Variants in MAGI2 observed in about 807,000 individuals in gnomAD.
The protein encoded by MAGI2 is membrane-associated guanylate kinase, WW and PDZ domain-containing protein 2.
In MAGI2, 35 loss-of-function variants were observed where a neutral mutation model predicts 133.3. The observed-to-expected ratio is 0.26, with a 90% CI of 0.20 to 0.35. The LOEUF (loss-of-function observed/expected upper bound fraction) is 0.35, where lower values mean the gene tolerates loss of function less well. Ranked by LOEUF, MAGI2 falls within the 10% of genes least tolerant of loss-of-function variation. The pLI, the probability that MAGI2 is intolerant of heterozygous loss-of-function variation, is 1.00. For missense variants in MAGI2, 1,636 were observed against 1,863.4 expected (o/e 0.88, Z 2.25); for synonymous variants, 729 against 710.6 (o/e 1.03, Z -0.41).
chr7:79,125,459 T>C (rs1027379483), intron 1 of MAGI2: 1 of 503,882 alleles, frequency 2.0e-6, no homozygotes, highest in South Asian at 1.5e-5. Context: ...GGTAGTTATG[T>C]TGGAGGCAGT....
intron 3 of MAGI2, among the ~76,000 whole-genome samples, chr7:78,579,572 C>G (rs1347182364): frequency 3.9e-5 from 6 of 152,200 alleles, no homozygotes; most frequent in Non-Finnish European, 8.8e-5. Context: ...TCTGCGTTAA[C>G]AAGCTTCACT....
At chr7:78,354,323 C>G (rs1791840830) in intron 7 of MAGI2, among the ~76,000 whole-genome samples, 1 of 152,120 alleles carries the variant, frequency 6.6e-6, no homozygotes, top group Non-Finnish European at 1.5e-5. Flanking sequence ...TAATTGAACT[C>G]CAAAAATACA....
chr7:78,734,309 T>C (rs1821641605), intron 2 of MAGI2, among the ~76,000 whole-genome samples: 1 of 152,154 alleles, frequency 6.6e-6, no homozygotes, highest in African/African-American at 2.4e-5. Flanking sequence ...AGAATATAAA[T>C]GCAGCCATTC....
intron 9 of MAGI2, among the ~76,000 whole-genome samples, chr7:78,337,185 A>C (rs1292883151): frequency 2.6e-5 from 4 of 152,228 alleles, no homozygotes; most frequent in African/African-American, 9.6e-5. Context: ...CAGGGTCTCT[A>C]GTGTTTACAA....
rs1554346526 is a variant in MAGI2 at position 78,328,502 on chromosome 7, A to AACACACACACACACACACACACACAC, written c.1408+15250_1408+15275dup. ...CAGCTCTTGTTGCTCCCAGCTCTAA[A>AACACACACACACACACACACACACAC]ACACACACACACACACACACACACA... On this transcript the variant is annotated intron_variant, in intron 9 of 21. Transcript: ENST00000354212. Among the ~76,000 whole-genome samples, 251 of 105,140 alleles carry AACACACACACACACACACACACACAC rather than the reference A, an allele frequency of 2.4e-3. 2 individuals are homozygous for AACACACACACACACACACACACACAC. The highest frequency in any genetic ancestry group is 6.8e-3 in the South Asian group (21 of 3,070). 69.0% of individuals were successfully genotyped at this position (105,140 alleles called of 152,430 possible). A position where few individuals can be genotyped will look rare whatever the true frequency, so the allele number is the denominator to read the frequency against.
chr7:78,646,825 C>T (rs1041022904), intron 2 of MAGI2, among the ~76,000 whole-genome samples: 1 of 152,180 alleles, frequency 6.6e-6, no homozygotes, highest in African/African-American at 2.4e-5. Context: ...CACTTCATCT[C>T]TCTCTACATT....
intron 1 of MAGI2, among the ~76,000 whole-genome samples, chr7:79,417,985 T>C (rs1212483034): frequency 3.3e-5 from 5 of 151,998 alleles, no homozygotes; most frequent in Admixed American, 2.0e-4. Flanking sequence ...TCCAATCAAT[T>C]TACCTCACAT....
chr7:79,231,936 T>C lies in MAGI2; in HGVS notation c.301+221084A>G, dbSNP rs537245175. 2.0e-5 allele frequency among the ~76,000 whole-genome samples: 3 copies of C among 152,324 alleles called. No homozygotes were observed. In the East Asian group the frequency reaches 5.8e-4, roughly 29 times the overall value. On this transcript the variant is annotated intron_variant, in intron 1 of 21. Transcript: ENST00000354212. ...TATGATGCTGGCTGTGGGTTTGTCA[T>C]AGACAGCTCTTATTATTTTGAGATA...
At chr7:78,433,755 G>A (rs1348928913) in intron 6 of MAGI2, among the ~76,000 whole-genome samples, 6 of 152,136 alleles carry the variant, frequency 3.9e-5, no homozygotes, top group Admixed American at 1.3e-4. Flanking sequence ...TATTATTTAA[G>A]GGGAGAGAAA....
chr7:78,778,638 G>A (rs1270513416), intron 2 of MAGI2, among the ~76,000 whole-genome samples: 1 of 152,066 alleles, frequency 6.6e-6, no homozygotes, highest in Non-Finnish European at 1.5e-5. Flanking sequence ...GAGCATGGAA[G>A]CTATATACTC....
chr7:79,144,423 C>A (rs1354384909), intron 1 of MAGI2, among the ~76,000 whole-genome samples: 2 of 152,086 alleles, frequency 1.3e-5, no homozygotes, highest in African/African-American at 2.4e-5. Context: ...TATGTAGCAC[C>A]TCCCCCTTCT....
intron 2 of MAGI2, among the ~76,000 whole-genome samples, chr7:78,978,771 A>G (rs759389104): frequency 6.6e-6 from 1 of 151,884 alleles, no homozygotes; most frequent in African/African-American, 2.4e-5. Flanking sequence ...GGGAGCAATG[A>G]GCTAGGTAAC....
chr7:79,217,709 A>G (rs1254250119), intron 1 of MAGI2, among the ~76,000 whole-genome samples: 2 of 152,044 alleles, frequency 1.3e-5, no homozygotes, highest in African/African-American at 4.8e-5. Context: ...TTAACCAGCT[A>G]TAATACATTG....
At chr7:79,381,900 C>T (rs860247) in intron 1 of MAGI2, among the ~76,000 whole-genome samples, 76,143 of 151,498 alleles carry the variant, frequency 0.5, 20,636 homozygotes, top group African/African-American at 0.71. Flanking sequence ...TTACAAATAT[C>T]ACTATTAAAC....
chr7:78,072,324 C>A (rs889380826), intron 21 of MAGI2, among the ~76,000 whole-genome samples: 1 of 152,144 alleles, frequency 6.6e-6, no homozygotes, highest in African/African-American at 2.4e-5. Flanking sequence ...TAATAAAACC[C>A]ATTTAAATGT....
chr7:78,749,543 C>T (rs1823253436), intron 2 of MAGI2, among the ~76,000 whole-genome samples: 1 of 152,068 alleles, frequency 6.6e-6, no homozygotes, highest in Admixed American at 6.5e-5. Flanking sequence ...GACATTTAAA[C>T]ATGTCAATGA....
At chr7:78,178,727 C>T (rs1965533) in intron 13 of MAGI2, among the ~76,000 whole-genome samples, 42,104 of 151,928 alleles carry the variant, frequency 0.28, 6,408 homozygotes, top group South Asian at 0.36. Flanking sequence ...CTGACAAACT[C>T]CTTTAGGGTT....
intron 14 of MAGI2, among the ~76,000 whole-genome samples, chr7:78,172,183 A>G (rs1173940454): frequency 6.6e-6 from 1 of 152,216 alleles, no homozygotes; most frequent in African/African-American, 2.4e-5. Context: ...AAAAACCAAC[A>G]AGTAAGACAC....
At chr7:78,641,505 G>A (rs1810304823) in intron 2 of MAGI2, among the ~76,000 whole-genome samples, 1 of 152,170 alleles carries the variant, frequency 6.6e-6, no homozygotes, top group Non-Finnish European at 1.5e-5. Flanking sequence ...CCCGTAAGAA[G>A]TCGTTTGCCC....
Sources: gnomAD v4.1 joint callset for allele counts (sites outside exome capture counted in the v4.1 genomes callset) on GRCh38, gnomAD v4.1.1 for gene constraint, MANE v1.5 for transcripts, NCBI Gene and HGNC (gene_info 2026-07-23, HGNC 2026-07-21) for gene names.